PTPRK: variants seen among roughly 807,000 people sequenced by gnomAD.
The protein encoded by PTPRK is receptor-type tyrosine-protein phosphatase kappa.
Under a neutral mutation model 178.0 loss-of-function variants are expected in PTPRK, and 75 were observed. The observed-to-expected ratio is 0.42, with a 90% CI of 0.35 to 0.51. The LOEUF (loss-of-function observed/expected upper bound fraction) is 0.51, where lower values mean the gene tolerates loss of function less well. PTPRK is among the 20% of genes least tolerant of loss of function. The pLI is 0.02. For synonymous variants in PTPRK, 637 were observed against 620.6 expected (o/e 1.03, Z -0.39); for missense variants, 1,441 against 1,797.8 (o/e 0.80, Z 3.59).
At chr6:128,037,918 C>T (rs911667007) in intron 13 of PTPRK, among the ~76,000 whole-genome samples, 1 of 152,086 alleles carries the variant, frequency 6.6e-6, no homozygotes, top group Non-Finnish European at 1.5e-5. Context: ...ATTTTTAAAA[C>T]AATTATTATA....
At chr6:128,118,080 C>T (rs112640235) in intron 7 of PTPRK, among the ~76,000 whole-genome samples, 3,914 of 152,298 alleles carry the variant, frequency 0.026, 75 homozygotes, top group Middle Eastern at 0.092. Flanking sequence ...GAAACCCACT[C>T]ATCATGCAAA....
At chr6:128,350,249 A>G (rs975953784) in intron 2 of PTPRK, among the ~76,000 whole-genome samples, 5 of 152,168 alleles carry the variant, frequency 3.3e-5, no homozygotes, top group African/African-American at 1.2e-4. Context: ...AGCAAGGTAG[A>G]AAGTATTAAA....
At chr6:128,485,025 G>A (rs1198167729) in intron 1 of PTPRK, among the ~76,000 whole-genome samples, 1 of 152,152 alleles carries the variant, frequency 6.6e-6, no homozygotes, top group Non-Finnish European at 1.5e-5. Context: ...AACCCACAAT[G>A]AAAAGGAAGA....
At chr6:128,303,455 T>C (rs1199656656) in intron 3 of PTPRK, among the ~76,000 whole-genome samples, 3 of 152,186 alleles carry the variant, frequency 2.0e-5, no homozygotes, top group African/African-American at 7.2e-5. Context: ...AGAATAAACA[T>C]TTGGAGATCA....
intron 3 of PTPRK, among the ~76,000 whole-genome samples, chr6:128,263,657 T>G (rs1021188846): frequency 3.3e-5 from 5 of 152,220 alleles, no homozygotes; most frequent in African/African-American, 1.2e-4. Context: ...ATTAATCACT[T>G]ACATAATATA....
intron 3 of PTPRK, among the ~76,000 whole-genome samples, chr6:128,286,469 GAACT>G (rs1822523183): frequency 6.6e-6 from 1 of 151,838 alleles, no homozygotes. Flanking sequence ...ATTTGTATAG[GAACT>G]ATCTCTAGAA....
intron 7 of PTPRK, among the ~76,000 whole-genome samples, chr6:128,108,203 C>T (rs1007442067): frequency 6.6e-6 from 1 of 151,624 alleles, no homozygotes; most frequent in Admixed American, 6.6e-5. Context: ...TTTTAAAAAT[C>T]GTACTAAGTT....
Position 128,520,330 on chromosome 6 carries a change from GGCAGCGCCGCCGCC to G in PTPRK, c.15_28del (p.Ala6CysfsTer29). The G allele has an allele frequency of 6.2e-7, 1 of 1,609,804 alleles. No homozygotes were observed. On this transcript the variant is annotated frameshift_variant, in exon 1 of 30. Transcript: ENST00000368226. LOFTEE classifies it high-confidence loss of function. The stretch of plus-strand genomic sequence containing the variant: ...GAGGAGCAAGAGCGCCACAAAAGCA[GGCAGCGCCGCCGCC>G]GCAGTCGTATCCATGCCGAGTTTGG...
At chr6:128,245,925 T>C (rs1330811178) in intron 3 of PTPRK, among the ~76,000 whole-genome samples, 1 of 152,240 alleles carries the variant, frequency 6.6e-6, no homozygotes, top group East Asian at 1.9e-4. Context: ...AGGATTCACA[T>C]AAATTTGAGA....
intron 19 of PTPRK, 106 bp from the exon 20 acceptor site, chr6:127,991,497 G>A (rs1398177261): frequency 8.5e-6 from 6 of 703,670 alleles, no homozygotes; most frequent in East Asian, 3.3e-5. Flanking sequence ...TCCAAAAAAG[G>A]TCTAACACAA....
At position 128,482,665 on chromosome 6, in the gene PTPRK, G is replaced by A. The variant is rs756268281; in HGVS notation, c.100+37594C>T. ...AGCCACCCATGTACCACTTCAGTTCGTCGGTCAGTGAACAGTTTCTGCTAC... is the reference window on the plus strand; with the variant it reads ...AGCCACCCATGTACCACTTCAGTTCATCGGTCAGTGAACAGTTTCTGCTAC... On this transcript the variant is annotated intron_variant, in intron 1 of 29. Coordinates refer to ENST00000368226, the MANE Select transcript of PTPRK (RefSeq NM_002844.4). 6.6e-5 allele frequency among the ~76,000 whole-genome samples: 10 copies of A among 152,264 alleles called. No homozygotes were observed. The South Asian group carries it at 1.0e-3, about 16-fold the overall frequency.
intron 1 of PTPRK, among the ~76,000 whole-genome samples, chr6:128,481,323 T>C (rs1337910760): frequency 2.0e-5 from 3 of 152,158 alleles, no homozygotes; most frequent in Admixed American, 2.0e-4. Context: ...GAATATGAAA[T>C]TCTATATCTT....
intron 7 of PTPRK, among the ~76,000 whole-genome samples, chr6:128,113,841 C>G (rs1444291663): frequency 6.6e-6 from 1 of 152,128 alleles, no homozygotes. Context: ...AAAGTATACA[C>G]ACACGGACAC....
chr6:128,278,123 TTTTATTTATTTATTTATTTATTTATTTA>T (rs201597116), intron 3 of PTPRK, among the ~76,000 whole-genome samples: 2 of 143,658 alleles, frequency 1.4e-5, no homozygotes, highest in Non-Finnish European at 1.5e-5. Context: ...TTTTTGTGTT[TTTTATTTATTTATTTATTTATTTATTTA>T]TTTATTTATT....
intron 7 of PTPRK, among the ~76,000 whole-genome samples, chr6:128,112,879 C>T (rs1790895951): frequency 6.6e-6 from 1 of 152,088 alleles, no homozygotes; most frequent in African/African-American, 2.4e-5. Flanking sequence ...ACAGGCAACT[C>T]AAACTCATGT....
intron 3 of PTPRK, among the ~76,000 whole-genome samples, chr6:128,245,297 G>C (rs1279058612): frequency 1.3e-5 from 2 of 152,100 alleles, no homozygotes; most frequent in Non-Finnish European, 2.9e-5. Context: ...CATTTAAGTA[G>C]ACTTTAGAGT....
intron 6 of PTPRK, among the ~76,000 whole-genome samples, chr6:128,206,405 T>C (rs868828973): frequency 1.5e-5 from 2 of 130,412 alleles, no homozygotes; most frequent in Middle Eastern, 3.8e-3. Context: ...AGGGTGTTCA[T>C]TAAAAAAAAA....
rs4053237 is a variant in PTPRK, at chr6:128,432,745, AAC to A, written c.101-35059_101-35058del. On this transcript the variant is annotated intron_variant, in intron 1 of 29. Transcript: ENST00000368226. ...ACCATACAGGTATGTTGTGTTCACAAACACACACACACACACACACACACACA... is the reference window on the plus strand; with the variant it reads ...ACCATACAGGTATGTTGTGTTCACAAACACACACACACACACACACACACA... 4.4e-3 allele frequency among the ~76,000 whole-genome samples: 646 copies of A among 145,568 alleles called. 1 individual carries two copies. The highest frequency in any genetic ancestry group is 5.6e-3 in the South Asian group (26 of 4,608).
rs564051058 is a variant in PTPRK, at chr6:128,240,341, T to C, written c.578-191A>G. 2.5e-3 allele frequency among the ~76,000 whole-genome samples: 387 copies of C among 152,302 alleles called. 1 individual carries two copies. Among genetic ancestry groups the C allele is most frequent in the African/African-American group, 8.9e-3 (369 of 41,576 alleles). On this transcript the variant is annotated intron_variant, in intron 4 of 29. Transcript: ENST00000368226. ...CCTCTGTGACTCTCATAGTTCTCTT[T>C]TTCTCAATAGCTCTATTACTTACTG... is the stretch of plus-strand genomic sequence containing the variant.
Sources: gnomAD v4.1 joint callset for allele counts (sites outside exome capture counted in the v4.1 genomes callset) on GRCh38, gnomAD v4.1.1 for gene constraint, MANE v1.5 for transcripts, NCBI Gene and HGNC (gene_info 2026-07-23, HGNC 2026-07-21) for gene names.